Variants in FGF13 observed in about 807,000 individuals in gnomAD.
FGF13 encodes fibroblast growth factor homologous factor 2.
FGF13 carries 2 observed loss-of-function variants against 19.5 expected under a neutral mutation model. The ratio of observed to expected loss-of-function variants is 0.10; its 90% CI spans 0.04 to 0.32. The LOEUF is 0.32. FGF13 is among the 10% of genes least tolerant of loss of function. FGF13 has a pLI of 1.00. For synonymous variants in FGF13, 72 were observed against 76.9 expected (o/e 0.94, Z 0.33); for missense variants, 113 against 192.7 (o/e 0.59, Z 2.45).
At chrX:138,798,572 G>A (rs2090799023) in intron 3 of FGF13, among the ~76,000 whole-genome samples, 1 of 111,498 alleles carries the variant, frequency 9.0e-6, no homozygotes, top group African/African-American at 3.3e-5. Context: ...GGAGGATGCT[G>A]GCCTCATAAA....
At chrX:138,922,432 G>A (rs1216667648) in intron 1 of FGF13, among the ~76,000 whole-genome samples, 1 of 111,541 alleles carries the variant, frequency 9.0e-6, no homozygotes, top group Non-Finnish European at 1.9e-5. Flanking sequence ...TCTGTGGGGA[G>A]TCTCTCTCTA....
intron 1 of FGF13, among the ~76,000 whole-genome samples, chrX:138,952,309 C>G (rs1191524303): frequency 6.3e-5 from 7 of 111,308 alleles, no homozygotes; most frequent in Non-Finnish European, 1.1e-4. Flanking sequence ...ACAAACCTGA[C>G]AAAAACAAGA....
intron 1 of FGF13, among the ~76,000 whole-genome samples, chrX:139,134,050 T>C (rs905158000): frequency 6.3e-5 from 7 of 111,137 alleles, no homozygotes; most frequent in African/African-American, 2.3e-4. Context: ...CTTAACAACT[T>C]TGCCTCTTCT....
intron 1 of FGF13, among the ~76,000 whole-genome samples, chrX:138,971,739 G>A (rs1365678564): frequency 3.6e-5 from 4 of 111,174 alleles, no homozygotes; most frequent in East Asian, 2.8e-4. Flanking sequence ...CTCAAAATCC[G>A]CTATTTTGAA....
At chrX:138,758,377 T>C (rs1466581580) in intron 3 of FGF13, among the ~76,000 whole-genome samples, 1 of 112,003 alleles carries the variant, frequency 8.9e-6, no homozygotes, top group African/African-American at 3.2e-5. Flanking sequence ...TTTCTATGCA[T>C]GGTCTTTTCC....
chrX:139,013,913 CT>C (rs1423495818), intron 1 of FGF13, among the ~76,000 whole-genome samples: 1 of 110,863 alleles, frequency 9.0e-6, no homozygotes, highest in Non-Finnish European at 1.9e-5. Context: ...AGCATCTTCT[CT>C]GAACACAACA....
At chrX:138,848,679 C>G (rs2091201069) in intron 3 of FGF13, among the ~76,000 whole-genome samples, 1 of 111,213 alleles carries the variant, frequency 9.0e-6, no homozygotes, top group African/African-American at 3.3e-5. Flanking sequence ...TGCAGGTTTT[C>G]TTTGTTTGTT....
intron 1 of FGF13, among the ~76,000 whole-genome samples, chrX:139,056,068 T>C (rs980665722): frequency 1.8e-5 from 2 of 112,537 alleles, no homozygotes; most frequent in African/African-American, 6.5e-5. Context: ...AATATATTAA[T>C]GAATGAATAT....
chrX:138,741,386 A>C (rs2090316904), upstream of FGF13, among the ~76,000 whole-genome samples: 1 of 111,568 alleles, frequency 9.0e-6, no homozygotes, highest in African/African-American at 3.3e-5. Flanking sequence ...ACAGCACAGA[A>C]ATAAACAAAA....
At chrX:139,112,119 C>T (rs2083607107) in intron 1 of FGF13, among the ~76,000 whole-genome samples, 1 of 111,425 alleles carries the variant, frequency 9.0e-6, no homozygotes, top group Non-Finnish European at 1.9e-5. Flanking sequence ...ACAGAAAAAG[C>T]ATAATCTTTA....
intron 1 of FGF13, among the ~76,000 whole-genome samples, chrX:139,168,477 T>C (rs1678326204): frequency 8.9e-6 from 1 of 111,845 alleles, no homozygotes; most frequent in African/African-American, 3.2e-5. Flanking sequence ...TAGGTAAATG[T>C]TGAGGGGGAA....
At chrX:139,135,351 T>C (rs1332194618) in intron 1 of FGF13, among the ~76,000 whole-genome samples, 12 of 112,132 alleles carry the variant, frequency 1.1e-4, no homozygotes, top group Admixed American at 5.7e-4. Flanking sequence ...AAAGTGATGA[T>C]TGTAAAAGTG....
chrX:138,648,053 A>T (rs142454554), intron 3 of FGF13, among the ~76,000 whole-genome samples: 8,768 of 111,747 alleles, frequency 0.078, 366 homozygotes, highest in Middle Eastern at 0.15. Context: ...AGTGATCTTG[A>T]TCATTTAAAA....
At chrX:139,041,991 G>C (rs989860149) in intron 1 of FGF13, among the ~76,000 whole-genome samples, 3 of 112,315 alleles carry the variant, frequency 2.7e-5, no homozygotes, top group African/African-American at 9.7e-5. Flanking sequence ...GTCATGGAGA[G>C]AAAGTAGTCT....
chrX:138,656,415 G>A (rs1337016610), intron 3 of FGF13, among the ~76,000 whole-genome samples: 4 of 111,568 alleles, frequency 3.6e-5, no homozygotes, highest in South Asian at 3.8e-4. Context: ...TGTAAATCCC[G>A]TAGGTGTTAG....
At position 138,732,957 on chromosome X, in the gene FGF13, T is replaced by A. The variant is rs749235624; in HGVS notation, c.28+6285A>T. Among the ~76,000 whole-genome samples the A allele has an allele frequency of 2.7e-5, 3 of 111,029 alleles. No homozygotes were observed. In the East Asian group the frequency reaches 8.6e-4, roughly 32 times the overall value. ...CAACTCAGCTTGAAATCTTCAATTT[T>A]AGCCAGTTTCACAGAGGATATTGAT... On this transcript the variant is annotated intron_variant, in intron 1 of 4. Coordinates refer to the FGF13 transcript ENST00000305414.
intron 1 of FGF13, among the ~76,000 whole-genome samples, chrX:139,143,872 A>C (rs1406483873): frequency 9.0e-6 from 1 of 111,387 alleles, no homozygotes; most frequent in Non-Finnish European, 1.9e-5. Flanking sequence ...ACATAAATCA[A>C]ACTCTCCAGT....
In FGF13 at chrX:138,961,713, GA is replaced by G. The variant is rs2091871105; in HGVS notation, c.-112-97064del. On this transcript the variant is annotated intron_variant, in intron 1 of 2. Coordinates refer to the FGF13 transcript ENST00000421460. ...ACACGTCTACAAACATCTGATCCTT[GA>G]AAAACCTGACAAAAACAAGAAATGG... is the stretch of plus-strand genomic sequence containing the variant. Among the ~76,000 whole-genome samples, 3 of 111,702 alleles carry G rather than the reference GA, an allele frequency of 2.7e-5. No homozygotes were observed. The South Asian group carries it at 1.1e-3, about 42-fold the overall frequency.
Position 138,857,723 on chromosome X carries a change from G to A in FGF13, c.-38-44C>T, listed in dbSNP as rs1054717365. 1.1e-5 allele frequency: 11 copies of A among 1,011,971 alleles called. No individual in the cohort carries two copies. In the African/African-American group the frequency reaches 2.1e-4, roughly 20 times the overall value. The allele number at this position is 1,011,971 out of a possible 1,213,427, so 83.4% of individuals were successfully genotyped here. A position where few individuals can be genotyped will look rare whatever the true frequency, so the allele number is the denominator to read the frequency against. ...AAAATGAACTCAAGTTAGAGCCTCA[G>A]AAAAGCAGCGAATGTCTTAAATCAA... On this transcript the variant is annotated intron_variant, in intron 2 of 2. Transcript: ENST00000421460.
Sources: gnomAD v4.1 joint callset for allele counts (sites outside exome capture counted in the v4.1 genomes callset) on GRCh38, gnomAD v4.1.1 for gene constraint, MANE v1.5 for transcripts, NCBI Gene and HGNC (gene_info 2026-07-23, HGNC 2026-07-21) for gene names.